TRHDE: variants seen among roughly 807,000 people sequenced by gnomAD.
The protein encoded by TRHDE is thyrotropin-releasing hormone-degrading ectoenzyme.
Under a neutral mutation model 125.7 loss-of-function variants are expected in TRHDE, and 72 were observed. The ratio of observed to expected loss-of-function variants is 0.57; its 90% CI spans 0.47 to 0.70. The LOEUF (loss-of-function observed/expected upper bound fraction) is 0.70, where lower values mean the gene tolerates loss of function less well. TRHDE is among the 30% of genes least tolerant of loss of function. The probability of loss-of-function intolerance (pLI) is 0.00; values close to 1 mark genes in which losing one functional copy is unlikely to be tolerated. For synonymous variants in TRHDE, 509 were observed against 509.1 expected (o/e 1.00, Z 0.00); for missense variants, 1,110 against 1,327.1 (o/e 0.84, Z 2.54).
chr12:72,225,400 C>T (rs894670223), intron 2 of TRHDE, among the ~76,000 whole-genome samples: 10 of 152,266 alleles, frequency 6.6e-5, no homozygotes, highest in African/African-American at 2.4e-4. Context: ...AGTGCATCTG[C>T]TTCTCACACA....
At chr12:72,150,316 A>G (rs1324188325) in intron 2 of TRHDE, among the ~76,000 whole-genome samples, 1 of 152,144 alleles carries the variant, frequency 6.6e-6, no homozygotes, top group Non-Finnish European at 1.5e-5. Flanking sequence ...CTGGTAAGAG[A>G]GAATTTTCTA....
intron 6 of TRHDE, among the ~76,000 whole-genome samples, chr12:72,500,920 C>T (rs147621550): frequency 7.5e-6 from 1 of 132,942 alleles, no homozygotes; most frequent in African/African-American, 2.8e-5. Context: ...AGTTTGTAAA[C>T]TCCTACAAAG....
At chr12:72,369,702 T>TC (rs990310747) in intron 2 of TRHDE, among the ~76,000 whole-genome samples, 1 of 152,054 alleles carries the variant, frequency 6.6e-6, no homozygotes, top group African/African-American at 2.4e-5. Flanking sequence ...GACCCTCCAG[T>TC]CCCTGCATAC....
At chr12:72,323,852 AAGAG>A (rs963832323) in intron 2 of TRHDE, among the ~76,000 whole-genome samples, 1 of 151,868 alleles carries the variant, frequency 6.6e-6, no homozygotes, top group Non-Finnish European at 1.5e-5. Flanking sequence ...GAGAGAGAGA[AAGAG>A]AGAGAGGTGG....
intron 2 of TRHDE, among the ~76,000 whole-genome samples, chr12:72,228,283 G>C (rs2956438): frequency 1.5e-4 from 23 of 152,012 alleles, no homozygotes; most frequent in Non-Finnish European, 2.9e-4. Flanking sequence ...CCCAAACCTC[G>C]GTTCTTTACT....
intron 2 of TRHDE, among the ~76,000 whole-genome samples, chr12:72,240,428 T>C (rs193199621): frequency 1.3e-5 from 2 of 151,598 alleles, no homozygotes; most frequent in Non-Finnish European, 2.9e-5. Flanking sequence ...CTCACCATTT[T>C]TACTTACATA....
At chr12:72,453,722 G>A (rs551452604) in intron 3 of TRHDE, among the ~76,000 whole-genome samples, 21 of 152,180 alleles carry the variant, frequency 1.4e-4, no homozygotes, top group African/African-American at 5.1e-4. Flanking sequence ...CCTGAGCCAG[G>A]CTCAGAGCCC....
chr12:72,197,202 A>G (rs1411938574), intron 2 of TRHDE, among the ~76,000 whole-genome samples: 2 of 152,034 alleles, frequency 1.3e-5, no homozygotes, highest in African/African-American at 4.8e-5. Flanking sequence ...AGATTTTCTT[A>G]TACATGCTCA....
intron 3 of TRHDE, among the ~76,000 whole-genome samples, chr12:72,438,683 T>C (rs1032769971): frequency 6.6e-6 from 1 of 151,962 alleles, no homozygotes; most frequent in African/African-American, 2.4e-5. Context: ...ATTAACCCTT[T>C]ATCAGGTGTA....
chr12:72,583,023 T>A (rs1324077978), intron 12 of TRHDE, among the ~76,000 whole-genome samples: 1 of 152,180 alleles, frequency 6.6e-6, no homozygotes, highest in Non-Finnish European at 1.5e-5. Flanking sequence ...TTGATTTGAA[T>A]GTATTGTTTA....
intron 2 of TRHDE, among the ~76,000 whole-genome samples, chr12:72,321,750 G>A (rs1869105790): frequency 6.6e-6 from 1 of 152,122 alleles, no homozygotes; most frequent in African/African-American, 2.4e-5. Context: ...GGTTAATATA[G>A]TTGTAAAGTA....
chr12:72,260,305 AG>A (rs2139393704), intron 2 of TRHDE, among the ~76,000 whole-genome samples: 1 of 152,312 alleles, frequency 6.6e-6, no homozygotes, highest in African/African-American at 2.4e-5. Flanking sequence ...GGAAGCTGAG[AG>A]GATCACACAC....
intron 2 of TRHDE, chr12:72,263,921 C>G (rs1879008835): frequency 6.6e-6 from 1 of 152,002 alleles, no homozygotes; most frequent in Non-Finnish European, 1.5e-5. Context: ...ATAGTACAAC[C>G]TTCCACTCTT....
intron 2 of TRHDE, among the ~76,000 whole-genome samples, chr12:72,302,963 A>G (rs1868284357): frequency 6.6e-6 from 1 of 152,144 alleles, no homozygotes; most frequent in African/African-American, 2.4e-5. Context: ...ACAACTGAAA[A>G]TGTCTCTAGA....
At chr12:72,335,078 T>A (rs1869770042) in intron 2 of TRHDE, among the ~76,000 whole-genome samples, 1 of 152,154 alleles carries the variant, frequency 6.6e-6, no homozygotes, top group Admixed American at 6.5e-5. Flanking sequence ...TCCATTTGGG[T>A]GTGGTGTAGA....
At chr12:72,457,495 A>G (rs1875914227) in intron 3 of TRHDE, among the ~76,000 whole-genome samples, 1 of 152,160 alleles carries the variant, frequency 6.6e-6, no homozygotes, top group South Asian at 2.1e-4. Flanking sequence ...GCCAGTTAAT[A>G]TTAAGTAATA....
At chr12:72,627,145 C>T (rs778993976) in intron 15 of TRHDE, among the ~76,000 whole-genome samples, 11 of 151,856 alleles carry the variant, frequency 7.2e-5, no homozygotes, top group East Asian at 3.9e-4. Context: ...TGTCATTAAA[C>T]GGTTGTGGCT....
Position 72,618,955 on chromosome 12 carries a change from T to G in TRHDE, c.2386T>G (p.Phe796Val), listed in dbSNP as rs866568628. The part of the protein sequence containing the change: ...IIRYLSEEKD[F>V]LPWHAASRAL... ...CAGATACCTGTCTGAGGAGAAGGAT[T>G]TTCTTCCTTGGCATGCTGCCAGCCG... is the stretch of plus-strand genomic sequence containing the variant. Residue 796 changes from phenylalanine (F) to valine (V), a missense_variant, in exon 13 of 19, where the codon TTT becomes GTT. Transcript: ENST00000261180. The G allele has an allele frequency of 5.0e-6, 8 of 1,601,594 alleles. No homozygotes were observed. Among genetic ancestry groups the G allele is most frequent in the Non-Finnish European group, 6.8e-6 (8 of 1,173,392 alleles).
chr12:72,656,668 C>G (rs1874719600), intron 17 of TRHDE, among the ~76,000 whole-genome samples: 1 of 151,978 alleles, frequency 6.6e-6, no homozygotes. Context: ...TTAGAGGGCC[C>G]CTTTAAAAAA....
Sources: gnomAD v4.1 joint callset for allele counts (sites outside exome capture counted in the v4.1 genomes callset) on GRCh38, gnomAD v4.1.1 for gene constraint, MANE v1.5 for transcripts, NCBI Gene and HGNC (gene_info 2026-07-23, HGNC 2026-07-21) for gene names.